The following PFDN1 variants were observed in gnomAD, a reference collection of about 807,000 sequenced individuals.
PFDN1 encodes prefoldin subunit 1.
A neutral mutation model predicts 17.3 loss-of-function variants in PFDN1; 6 were observed. That is an observed-to-expected ratio of 0.35 (90% confidence interval 0.19 to 0.69). PFDN1 has a LOEUF of 0.69. Among genes scored for constraint, PFDN1 ranks in the 30% least tolerant of loss-of-function variants. The pLI is 0.65. For missense variants in PFDN1, 113 were observed against 146.2 expected (o/e 0.77, Z 1.17); for synonymous variants, 58 against 50.1 (o/e 1.16, Z -0.67).
At chr5:140,271,993 A>G (rs1246963342) in intron 3 of PFDN1, among the ~76,000 whole-genome samples, 2 of 147,052 alleles carry the variant, frequency 1.4e-5, no homozygotes, top group Admixed American at 6.9e-5. Context: ...ATTTATATAC[A>G]TAAGATATAT....
chr5:140,291,319 A>G (rs1453463476), intron 2 of PFDN1, among the ~76,000 whole-genome samples: 3 of 152,204 alleles, frequency 2.0e-5, no homozygotes, highest in African/African-American at 7.2e-5. Flanking sequence ...AACAAAATTT[A>G]AAGATAGAGT....
chr5:140,272,669 T>C (rs1765225322), intron 3 of PFDN1, among the ~76,000 whole-genome samples: 1 of 152,260 alleles, frequency 6.6e-6, no homozygotes, highest in African/African-American at 2.4e-5. Flanking sequence ...TAAAACTGTA[T>C]TTTTGAAAAA....
chr5:140,298,475 T>TAA (rs897829047), intron 2 of PFDN1, among the ~76,000 whole-genome samples: 1 of 141,710 alleles, frequency 7.1e-6, no homozygotes. Context: ...CCCCCCAACT[T>TAA]AAAAAAAAAA....
chr5:140,287,413 T>C (rs149937951), intron 2 of PFDN1, among the ~76,000 whole-genome samples: 7 of 152,352 alleles, frequency 4.6e-5, no homozygotes, highest in South Asian at 2.1e-4. Context: ...ACACATATTA[T>C]CTATTGCTAG....
chr5:140,264,832 A>C (rs1765114298), intron 3 of PFDN1, among the ~76,000 whole-genome samples: 1 of 152,310 alleles, frequency 6.6e-6, no homozygotes, highest in East Asian at 1.9e-4. Flanking sequence ...GTGACAAAGC[A>C]AAAGCTCATC....
At chr5:140,247,870 C>A (rs923369772) in intron 3 of PFDN1, among the ~76,000 whole-genome samples, 2 of 151,302 alleles carry the variant, frequency 1.3e-5, no homozygotes, top group Non-Finnish European at 2.9e-5. Context: ...GCGGAGGCTG[C>A]AGTGAGCCAA....
At chr5:140,282,881 A>T (rs1351833534) in intron 2 of PFDN1, among the ~76,000 whole-genome samples, 1 of 152,248 alleles carries the variant, frequency 6.6e-6, no homozygotes, top group African/African-American at 2.4e-5. Context: ...TAATTAAGCA[A>T]GATTTTTCTT....
At chr5:140,262,685 C>T (rs574601176) in intron 3 of PFDN1, among the ~76,000 whole-genome samples, 6 of 152,090 alleles carry the variant, frequency 3.9e-5, no homozygotes, top group African/African-American at 1.4e-4. Flanking sequence ...TGAAAAGATA[C>T]GGACCAAATC....
intron 3 of PFDN1, among the ~76,000 whole-genome samples, chr5:140,279,504 G>GT (rs879629117): frequency 6.6e-4 from 96 of 145,070 alleles, no homozygotes; most frequent in African/African-American, 1.4e-3. Context: ...GGGTTTTTGT[G>GT]TTTTTTTTTT....
chr5:140,270,300 G>A (rs373486285), intron 3 of PFDN1, among the ~76,000 whole-genome samples: 3 of 152,164 alleles, frequency 2.0e-5, no homozygotes, highest in East Asian at 3.9e-4. Context: ...GAAGAGTATA[G>A]ACCATATAAA....
chr5:140,249,317 C>T (rs1232855331), intron 3 of PFDN1, among the ~76,000 whole-genome samples: 2 of 152,170 alleles, frequency 1.3e-5, no homozygotes, highest in Non-Finnish European at 2.9e-5. Context: ...AAGACCAATT[C>T]GTGGTAGCTT....
intron 3 of PFDN1, among the ~76,000 whole-genome samples, chr5:140,261,456 C>T (rs1268005241): frequency 6.6e-6 from 1 of 152,158 alleles, no homozygotes; most frequent in South Asian, 2.1e-4. Context: ...TCACTACTTT[C>T]CAATCAAGTA....
At chr5:140,251,571 T>C (rs540581127) in intron 3 of PFDN1, among the ~76,000 whole-genome samples, 1 of 152,334 alleles carries the variant, frequency 6.6e-6, no homozygotes, top group South Asian at 2.1e-4. Flanking sequence ...GGAGGGCATC[T>C]GCTGATCTCA....
At chr5:140,247,383 T>TC (rs1764845519) in intron 3 of PFDN1, among the ~76,000 whole-genome samples, 1 of 151,896 alleles carries the variant, frequency 6.6e-6, no homozygotes, top group Non-Finnish European at 1.5e-5. Flanking sequence ...CAAGCGATCC[T>TC]CCCTCCTCGG....
At chr5:140,249,687 T>A (rs916798378) in intron 3 of PFDN1, among the ~76,000 whole-genome samples, 2 of 152,224 alleles carry the variant, frequency 1.3e-5, no homozygotes, top group Non-Finnish European at 2.9e-5. Flanking sequence ...GGTTTCTGGC[T>A]GCTTGCATTC....
chr5:140,285,282 A>G (rs959911231), intron 2 of PFDN1, among the ~76,000 whole-genome samples: 3 of 150,616 alleles, frequency 2.0e-5, no homozygotes, highest in African/African-American at 7.3e-5. Context: ...CGGGAGGTGG[A>G]GTTTGCAGTG....
chr5:140,274,992 C>CAAA (rs1268320654), intron 3 of PFDN1, among the ~76,000 whole-genome samples: 2 of 65,622 alleles, frequency 3.0e-5, no homozygotes, highest in Non-Finnish European at 6.3e-5. Context: ...GACTTCATCT[C>CAAA]AAAAAAAAAA....
intron 2 of PFDN1, among the ~76,000 whole-genome samples, chr5:140,296,585 A>G (rs1424990812): frequency 6.6e-6 from 1 of 152,204 alleles, no homozygotes; most frequent in Non-Finnish European, 1.5e-5. Context: ...CAAGGAAAAG[A>G]GGAATATTGC....
At chr5:140,297,095 A>G (rs1765665581) in intron 2 of PFDN1, among the ~76,000 whole-genome samples, 1 of 152,226 alleles carries the variant, frequency 6.6e-6, no homozygotes, top group Non-Finnish European at 1.5e-5. Context: ...ATGCTATCAT[A>G]AAAGTCCAGG....
Sources: gnomAD v4.1 joint callset for allele counts (sites outside exome capture counted in the v4.1 genomes callset) on GRCh38, gnomAD v4.1.1 for gene constraint, MANE v1.5 for transcripts, NCBI Gene and HGNC (gene_info 2026-07-23, HGNC 2026-07-21) for gene names.